The following TCF4 variants were observed in gnomAD, a reference collection of about 807,000 sequenced individuals.
TCF4 encodes transcription factor 4.
A neutral mutation model predicts 82.1 loss-of-function variants in TCF4; 3 were observed. The ratio of observed to expected loss-of-function variants is 0.04; its 90% confidence interval spans 0.02 to 0.09. The LOEUF (loss-of-function observed/expected upper bound fraction) is 0.09, where lower values mean the gene tolerates loss of function less well. Ranked by LOEUF, TCF4 falls within the 10% of genes least tolerant of loss-of-function variation. The pLI is 1.00. For missense variants in TCF4, 518 were observed against 852.7 expected (o/e 0.61, Z 4.89); for synonymous variants, 276 against 309.6 (o/e 0.89, Z 1.14).
At chr18:55,246,804 A>C (rs2053396434) in intron 15 of TCF4, among the ~76,000 whole-genome samples, 2 of 152,194 alleles carry the variant, frequency 1.3e-5, no homozygotes, top group Admixed American at 6.5e-5. Flanking sequence ...GAAATACTTG[A>C]TAGTTGTGGA....
At chr18:55,569,525 A>C (rs1421382451) in intron 3 of TCF4, among the ~76,000 whole-genome samples, 3 of 152,104 alleles carry the variant, frequency 2.0e-5, no homozygotes, top group Admixed American at 6.6e-5. Flanking sequence ...AGCCCGGGCA[A>C]CAGAGTGAGA....
chr18:55,633,984 T>G lies in TCF4; in HGVS notation c.195+1719A>C, dbSNP rs747834620. ...CTAACAAAAAACATAATACTATAAT[T>G]TAGGCTGGGCGCAGTGGCTCACACC... On this transcript the variant is annotated intron_variant, in intron 1 of 20. Transcript: ENST00000398339. This position sits in a 1 kb window ranked among gnomAD's most constrained non-coding sequence, Gnocchi z 4.0. Among the ~76,000 whole-genome samples the G allele has an allele frequency of 8.1e-4, 123 of 152,004 alleles. No individual in the cohort carries two copies. The highest frequency in any genetic ancestry group is 3.4e-3 in the Middle Eastern group (1 of 294).
At chr18:55,380,312 C>T (rs1000177440) in intron 6 of TCF4, among the ~76,000 whole-genome samples, 1 of 151,758 alleles carries the variant, frequency 6.6e-6, no homozygotes, top group African/African-American at 2.4e-5. Flanking sequence ...GATACATGTG[C>T]AGAATGTGCA....
chr18:55,619,139 G>C (rs2097715214), intron 2 of TCF4, among the ~76,000 whole-genome samples: 1 of 150,252 alleles, frequency 6.7e-6, no homozygotes, highest in African/African-American at 2.5e-5. Context: ...GTTGTTTTAT[G>C]TTTGTTTGTT....
intron 6 of TCF4, among the ~76,000 whole-genome samples, chr18:55,388,163 A>T (rs1236868696): frequency 6.6e-6 from 1 of 152,264 alleles, no homozygotes; most frequent in Non-Finnish European, 1.5e-5. Context: ...TTAAAATCAT[A>T]TAAAGTAAAC....
intron 6 of TCF4, among the ~76,000 whole-genome samples, chr18:55,397,066 G>A (rs1201655560): frequency 6.6e-6 from 1 of 152,202 alleles, no homozygotes; most frequent in East Asian, 1.9e-4. Context: ...AGGGGTATCT[G>A]TCCATTGCTA....
At chr18:55,286,455 G>A (rs1014653708) in intron 8 of TCF4, among the ~76,000 whole-genome samples, 1 of 152,098 alleles carries the variant, frequency 6.6e-6, no homozygotes. Flanking sequence ...AAGGACTTAC[G>A]CCAGGGCCTG....
intron 3 of TCF4, among the ~76,000 whole-genome samples, chr18:55,504,600 C>T (rs59522576): frequency 0.037 from 5,555 of 152,138 alleles, 337 homozygotes; most frequent in African/African-American, 0.13. Flanking sequence ...ATAGAGGAGG[C>T]AAATCACTGT....
intron 6 of TCF4, among the ~76,000 whole-genome samples, chr18:55,370,187 C>T (rs1382993457): frequency 6.6e-6 from 1 of 152,156 alleles, no homozygotes; most frequent in Non-Finnish European, 1.5e-5. Context: ...CGCTTGAGCC[C>T]AGGAGTTTGA....
At chr18:55,329,529 C>A (rs1458751931) in intron 8 of TCF4, among the ~76,000 whole-genome samples, 4 of 152,058 alleles carry the variant, frequency 2.6e-5, no homozygotes, top group South Asian at 2.1e-4. Context: ...GAAAGAAATT[C>A]ATAAACTTTT....
intron 11 of TCF4, 66 bp downstream of exon 11, chr18:55,269,763 AAG>A: frequency 6.2e-7 from 1 of 1,602,098 alleles, no homozygotes; most frequent in South Asian, 1.1e-5. Context: ...GAAAGGGAAA[AAG>A]AGGTCCTTGA....
Position 55,494,726 on chromosome 18 carries a change from C to A in TCF4, c.146-30589G>T, listed in dbSNP as rs116922078. ...TTAAAACAACCCAGAGAATGCTAGA[C>A]AAGGGAATTACTCTTCTATTACATG... On this transcript the variant is annotated intron_variant, in intron 3 of 19. Coordinates refer to ENST00000354452, the MANE Select transcript of TCF4 (RefSeq NM_001083962.2). Among the ~76,000 whole-genome samples the A allele has an allele frequency of 2.5e-3, 384 of 152,182 alleles. 3 individuals carry two copies. The highest frequency in any genetic ancestry group is 2.9e-3 in the Non-Finnish European group (195 of 67,948).
At chr18:55,618,515 A>G (rs2097714392) in intron 2 of TCF4, among the ~76,000 whole-genome samples, 1 of 150,906 alleles carries the variant, frequency 6.6e-6, no homozygotes, top group Non-Finnish European at 1.5e-5. Flanking sequence ...GGGTTTGTCA[A>G]TTTTATCTTT....
At chr18:55,322,444 A>AAAAC in intron 8 of TCF4, 1 of 1,008,192 alleles carries the variant, frequency 9.9e-7, no homozygotes, top group East Asian at 7.1e-5. Flanking sequence ...AAAAAAAAAA[A>AAAAC]AAAAAACACC....
intron 3 of TCF4, among the ~76,000 whole-genome samples, chr18:55,505,507 G>GA (rs1280807879): frequency 7.2e-5 from 11 of 152,114 alleles, no homozygotes; most frequent in Non-Finnish European, 1.6e-4. Flanking sequence ...AGAAAACTGA[G>GA]AAAAAATAGC....
At position 55,563,377 on chromosome 18, in the gene TCF4, G is replaced by A. The variant is rs113588869; in HGVS notation, c.145+21903C>T. ...TGATTGTTTAATTTTTCTCATCCGT[G>A]AATTCAAGGACCTCAAAGGGATGCT... is the stretch of plus-strand genomic sequence containing the variant. On this transcript the variant is annotated intron_variant, in intron 3 of 19. Coordinates refer to ENST00000354452, the MANE Select transcript of TCF4 (RefSeq NM_001083962.2). Among the ~76,000 whole-genome samples, 830 of 151,954 alleles carry A rather than the reference G, an allele frequency of 5.5e-3. 6 individuals are homozygous for A. Among genetic ancestry groups the A allele is most frequent in the African/African-American group, 0.019 (779 of 41,414 alleles).
chr18:55,451,777 A>G (rs1472899106), intron 5 of TCF4, among the ~76,000 whole-genome samples: 2 of 152,192 alleles, frequency 1.3e-5, no homozygotes, highest in African/African-American at 4.8e-5. Flanking sequence ...GTACTGGTTA[A>G]TACTGTCACA....
At chr18:55,590,752 CAT>C (rs1191659855), upstream of TCF4, among the ~76,000 whole-genome samples, 10 of 152,294 alleles carry the variant, frequency 6.6e-5, no homozygotes, top group East Asian at 3.9e-4. Context: ...ACAGATAACA[CAT>C]GTGTTTACTA....
At chr18:55,331,329 A>G (rs1262388966) in intron 8 of TCF4, among the ~76,000 whole-genome samples, 3 of 152,258 alleles carry the variant, frequency 2.0e-5, no homozygotes, top group African/African-American at 4.8e-5. Flanking sequence ...ATTCTAGAAT[A>G]TAGGATTCTC....
Sources: allele counts gnomAD v4.1 joint callset (sites outside exome capture counted in the v4.1 genomes callset), GRCh38; gene constraint gnomAD v4.1.1; non-coding constraint Gnocchi (gnomAD v3.1); transcripts MANE v1.5; gene names NCBI Gene and HGNC (gene_info 2026-07-23, HGNC 2026-07-21).